The following SPOCK1 variants were observed in gnomAD, a reference collection of about 807,000 sequenced individuals.
SPOCK1 encodes testican-1.
A neutral mutation model predicts 55.3 loss-of-function variants in SPOCK1; 23 were observed. That is an observed-to-expected ratio of 0.42 (90% confidence interval 0.30 to 0.59). SPOCK1 has a LOEUF of 0.59. Ranked by LOEUF, SPOCK1 falls within the 20% of genes least tolerant of loss-of-function variation. SPOCK1 has a pLI of 0.22. For missense variants in SPOCK1, 499 were observed against 552.5 expected, an observed-to-expected ratio of 0.90 and a Z score of 0.97; for synonymous variants, 226 against 221.0, an observed-to-expected ratio of 1.02 and a Z score of -0.20.
At chr5:137,253,913 C>A (rs1373948220) in intron 3 of SPOCK1, among the ~76,000 whole-genome samples, 2 of 152,224 alleles carry the variant, frequency 1.3e-5, no homozygotes, top group African/African-American at 2.4e-5. Flanking sequence ...TTCTAGGTGT[C>A]CCACCATGCT....
At chr5:137,344,131 G>A (rs1750500981) in intron 2 of SPOCK1, among the ~76,000 whole-genome samples, 2 of 152,206 alleles carry the variant, frequency 1.3e-5, no homozygotes, top group African/African-American at 2.4e-5. Context: ...GAGATTCTGG[G>A]AGAAAAGAAG....
At chr5:137,272,239 G>C in intron 2 of SPOCK1, among the ~76,000 whole-genome samples, 1 of 152,196 alleles carries the variant, frequency 6.6e-6, no homozygotes, top group South Asian at 2.1e-4. Context: ...GTGCAAACTG[G>C]TTCTATTTAT....
chr5:137,357,561 G>A (rs953272955), intron 2 of SPOCK1, among the ~76,000 whole-genome samples: 3 of 152,108 alleles, frequency 2.0e-5, no homozygotes, highest in Non-Finnish European at 4.4e-5. Flanking sequence ...TGCCTGACTG[G>A]GTCTATAAGA....
At chr5:137,341,425 A>T (rs1481352618) in intron 2 of SPOCK1, among the ~76,000 whole-genome samples, 2 of 152,246 alleles carry the variant, frequency 1.3e-5, no homozygotes, top group African/African-American at 4.8e-5. Flanking sequence ...GCTGCCAAGG[A>T]AGATGGCTTA....
Position 137,110,750 on chromosome 5 carries a change from G to A in SPOCK1, c.474+1685C>T, listed in dbSNP as rs116315185. Among the ~76,000 whole-genome samples, 781 of 152,250 alleles carry A rather than the reference G, an allele frequency of 5.1e-3. 6 individuals are homozygous for A. The highest frequency in any genetic ancestry group is 0.018 in the African/African-American group (729 of 41,554). ...TTAGAGTTAAGGATTCCTGAGTCTG[G>A]CCATGAAGAAGAGCCAACTCTTTTA... On this transcript the variant is annotated intron_variant, in intron 5 of 10. Coordinates refer to ENST00000394945, the MANE Select transcript of SPOCK1 (RefSeq NM_004598.4).
rs560635177 is a variant in SPOCK1 at position 137,122,609 on chromosome 5, T to A, written c.348-10048A>T. ...AAATCTTTAGCAATGGACACACCAATTGGAAAAAAGCAAATACTCATCAAG... is the reference window on the plus strand; with the variant it reads ...AAATCTTTAGCAATGGACACACCAAATGGAAAAAAGCAAATACTCATCAAG... On this transcript the variant is annotated intron_variant, in intron 4 of 10. Coordinates refer to ENST00000394945, the MANE Select transcript of SPOCK1 (RefSeq NM_004598.4). Among the ~76,000 whole-genome samples the A allele has an allele frequency of 3.9e-5, 6 of 152,250 alleles. No homozygotes were observed. In the South Asian group the frequency reaches 1.2e-3, roughly 32 times the overall value.
chr5:137,330,547 G>C (rs557327587), intron 2 of SPOCK1, among the ~76,000 whole-genome samples: 2 of 152,198 alleles, frequency 1.3e-5, no homozygotes, highest in Non-Finnish European at 2.9e-5. Flanking sequence ...TGAATGCAAG[G>C]CTGATACTTA....
chr5:137,400,583 C>T (rs17703757), intron 2 of SPOCK1, among the ~76,000 whole-genome samples: 28,108 of 152,134 alleles, frequency 0.18, 3,309 homozygotes, highest in East Asian at 0.35. Context: ...ATATATTACT[C>T]CTGCTTTGAG....
intron 3 of SPOCK1, among the ~76,000 whole-genome samples, chr5:137,238,846 A>ATT (rs1756232007): frequency 6.6e-6 from 1 of 152,262 alleles, no homozygotes; most frequent in Non-Finnish European, 1.5e-5. Context: ...TATACACTTG[A>ATT]TCTTAGCCAA....
At chr5:137,317,647 T>C (rs752690087) in intron 2 of SPOCK1, among the ~76,000 whole-genome samples, 3 of 152,228 alleles carry the variant, frequency 2.0e-5, no homozygotes, top group Non-Finnish European at 2.9e-5. Flanking sequence ...TTCTTCACCA[T>C]GTCTGACACG....
At chr5:137,246,601 C>A (rs888034098) in intron 3 of SPOCK1, among the ~76,000 whole-genome samples, 4 of 152,166 alleles carry the variant, frequency 2.6e-5, no homozygotes, top group Non-Finnish European at 2.9e-5. Flanking sequence ...TTTTGCTATT[C>A]GCTTTGTAAT....
Position 137,026,748 on chromosome 5 carries a change from C to G in SPOCK1, c.590-34148G>C, listed in dbSNP as rs139915562. On this transcript the variant is annotated intron_variant, in intron 6 of 10. Transcript: ENST00000394945. ...CTGGAGCACAGTCAATCCAAAGCTGCCTCCCAGGTGCTGGTCTGAGTTGCT... is the reference window on the plus strand; with the variant it reads ...CTGGAGCACAGTCAATCCAAAGCTGGCTCCCAGGTGCTGGTCTGAGTTGCT... Among the ~76,000 whole-genome samples the G allele has an allele frequency of 1.1e-4, 17 of 152,330 alleles. No individual in the cohort carries two copies. The East Asian group carries it at 3.3e-3, about 29-fold the overall frequency.
At chr5:137,207,089 T>A (rs555302798) in intron 3 of SPOCK1, among the ~76,000 whole-genome samples, 1 of 152,282 alleles carries the variant, frequency 6.6e-6, no homozygotes, top group East Asian at 1.9e-4. Context: ...TGGCCCTGAG[T>A]AACAGATTTT....
intron 2 of SPOCK1, among the ~76,000 whole-genome samples, chr5:137,270,258 C>G (rs544537011): frequency 1.3e-5 from 2 of 152,294 alleles, no homozygotes; most frequent in Admixed American, 6.5e-5. Flanking sequence ...TTTTGAGTGG[C>G]AATTTTATCA....
At chr5:137,260,451 T>A (rs2127112307) in intron 3 of SPOCK1, among the ~76,000 whole-genome samples, 2 of 152,344 alleles carry the variant, frequency 1.3e-5, no homozygotes, top group South Asian at 4.1e-4. Context: ...GAAACATTAA[T>A]TTCTATTGTA....
chr5:137,267,289 C>T (rs977721378), intron 2 of SPOCK1, among the ~76,000 whole-genome samples: 28 of 152,186 alleles, frequency 1.8e-4, no homozygotes, highest in Non-Finnish European at 3.8e-4. Context: ...AACATTTCAG[C>T]CCAGTATAGA....
intron 6 of SPOCK1, among the ~76,000 whole-genome samples, chr5:137,052,725 T>G (rs193073572): frequency 6.6e-6 from 1 of 152,140 alleles, no homozygotes; most frequent in Non-Finnish European, 1.5e-5. Flanking sequence ...GAATAATTGA[T>G]GATATGGGAA....
At chr5:137,025,894 G>A (rs1040589209) in intron 6 of SPOCK1, among the ~76,000 whole-genome samples, 1 of 152,190 alleles carries the variant, frequency 6.6e-6, no homozygotes, top group Non-Finnish European at 1.5e-5. Context: ...TCTAGCTGCA[G>A]GAAGGAGAAG....
chr5:137,401,558 C>CAAAAAA (rs34044799), intron 2 of SPOCK1, among the ~76,000 whole-genome samples: 4 of 100,414 alleles, frequency 4.0e-5, no homozygotes, highest in Non-Finnish European at 5.8e-5. Flanking sequence ...CTCATCTCTA[C>CAAAAAA]AAAAAAAAAA....
Sources: allele counts gnomAD v4.1 joint callset (sites outside exome capture counted in the v4.1 genomes callset), GRCh38; gene constraint gnomAD v4.1.1; transcripts MANE v1.5; gene names NCBI Gene and HGNC (gene_info 2026-07-23, HGNC 2026-07-21).